Variants in PDE4B observed in about 807,000 individuals in gnomAD.
PDE4B encodes phosphodiesterase 4B, also known as 3',5'-cyclic-AMP phosphodiesterase 4B.
A neutral mutation model predicts 82.2 loss-of-function variants in PDE4B; 20 were observed. The observed-to-expected ratio is 0.24, with a 90% confidence interval of 0.17 to 0.35. The LOEUF (loss-of-function observed/expected upper bound fraction) is 0.35. Ranked by LOEUF, PDE4B falls within the 10% of genes least tolerant of loss-of-function variation. The pLI is 1.00. For missense variants in PDE4B, 655 were observed against 907.2 expected, an observed-to-expected ratio of 0.72 and a Z score of 3.57; for synonymous variants, 320 against 318.9, an observed-to-expected ratio of 1.00 and a Z score of -0.04.
At chr1:65,815,693 A>T (rs1645874959) in intron 1 of PDE4B, among the ~76,000 whole-genome samples, 1 of 152,238 alleles carries the variant, frequency 6.6e-6, no homozygotes, top group Admixed American at 6.5e-5. Context: ...GAAGCTAAAA[A>T]AATTTAAACT....
At chr1:66,122,372 T>C (rs1645727677) in intron 3 of PDE4B, among the ~76,000 whole-genome samples, 1 of 152,214 alleles carries the variant, frequency 6.6e-6, no homozygotes, top group South Asian at 2.1e-4. Context: ...TCTTTTAAAA[T>C]TGTGTAGAAA....
At chr1:65,820,302 T>C (rs978227327) in intron 1 of PDE4B, among the ~76,000 whole-genome samples, 1 of 152,190 alleles carries the variant, frequency 6.6e-6, no homozygotes, top group Non-Finnish European at 1.5e-5. Context: ...ACCACATTAA[T>C]CTCATTGAAT....
intron 8 of PDE4B, chr1:66,354,663 T>A (rs1662094348): frequency 1.4e-6 from 2 of 1,400,196 alleles, no homozygotes; most frequent in South Asian, 3.3e-5. Flanking sequence ...AAGAATGGAG[T>A]GCGAAGATGG....
intron 3 of PDE4B, among the ~76,000 whole-genome samples, chr1:66,226,842 A>G (rs188738194): frequency 4.7e-4 from 71 of 152,362 alleles, no homozygotes; most frequent in Non-Finnish European, 7.9e-4. Context: ...TAGTTTATAG[A>G]ATCAAAGAAT....
intron 3 of PDE4B, among the ~76,000 whole-genome samples, chr1:66,010,990 G>A (rs1340725598): frequency 1.3e-5 from 2 of 151,446 alleles, no homozygotes; most frequent in Non-Finnish European, 2.9e-5. Context: ...GATCACAGAA[G>A]TAACCTATGA....
intron 1 of PDE4B, among the ~76,000 whole-genome samples, chr1:65,907,207 G>A (rs1647036798): frequency 6.6e-6 from 1 of 152,126 alleles, no homozygotes. Context: ...TAAGAAAGCA[G>A]CAATAACTGA....
In PDE4B at chr1:66,217,442, A is replaced by T. The variant is rs1240237020; in HGVS notation, c.282-30018A>T. ...AGCAGCCACAAGAGCTGCAGTGTCA[A>T]GCAGGAAGGAGCAAGAAGAGAGGTG... On this transcript the variant is annotated intron_variant, in intron 3 of 16. Coordinates refer to ENST00000341517, the MANE Select transcript of PDE4B (RefSeq NM_002600.4). Among the ~76,000 whole-genome samples, 3 of 152,084 alleles carry T rather than the reference A, an allele frequency of 2.0e-5. No individual in the cohort carries two copies. In the East Asian group the frequency reaches 5.8e-4, roughly 29 times the overall value.
chr1:66,364,024 G>T (rs1663033673), intron 12 of PDE4B, among the ~76,000 whole-genome samples: 1 of 152,020 alleles, frequency 6.6e-6, no homozygotes, highest in Non-Finnish European at 1.5e-5. Flanking sequence ...TTCAGGGCAG[G>T]AATCATGTCT....
intron 3 of PDE4B, among the ~76,000 whole-genome samples, chr1:66,115,027 G>A (rs893844235): frequency 6.6e-6 from 1 of 152,018 alleles, no homozygotes; most frequent in Non-Finnish European, 1.5e-5. Context: ...GAAGTTCCAG[G>A]TATCAAAAAA....
At chr1:66,204,320 C>A (rs148861983) in intron 3 of PDE4B, among the ~76,000 whole-genome samples, 4,856 of 152,346 alleles carry the variant, frequency 0.032, 131 homozygotes, top group Middle Eastern at 0.095. Context: ...CAGCAGTCTG[C>A]CTGTTGTCAG....
intron 1 of PDE4B, among the ~76,000 whole-genome samples, chr1:65,889,265 G>T (rs1001720456): frequency 6.6e-6 from 1 of 152,018 alleles, no homozygotes; most frequent in African/African-American, 2.4e-5. Context: ...AATCATCTTT[G>T]CATTCCTGGG....
intron 3 of PDE4B, among the ~76,000 whole-genome samples, chr1:65,942,766 C>G (rs529517597): frequency 1.3e-5 from 2 of 152,136 alleles, no homozygotes; most frequent in South Asian, 4.1e-4. Flanking sequence ...TTGCATTTCT[C>G]TGATGATTAG....
chr1:65,797,328 A>C (rs1645643316), intron 1 of PDE4B, among the ~76,000 whole-genome samples: 2 of 152,128 alleles, frequency 1.3e-5, no homozygotes, highest in Non-Finnish European at 2.9e-5. Flanking sequence ...TGTTGGTGTC[A>C]CTTGATTGTC....
chr1:66,241,975 C>G (rs912912164), intron 3 of PDE4B, among the ~76,000 whole-genome samples: 13 of 152,218 alleles, frequency 8.5e-5, no homozygotes, highest in Non-Finnish European at 2.9e-5. Context: ...TGTTATGTGC[C>G]TTTTGGTGTG....
intron 3 of PDE4B, among the ~76,000 whole-genome samples, chr1:66,235,801 C>A (rs566284770): frequency 7.2e-5 from 11 of 152,240 alleles, no homozygotes; most frequent in African/African-American, 2.2e-4. Context: ...TTAAATTTAA[C>A]AGAGTTTAAC....
At chr1:65,851,101 A>G (rs1646327405) in intron 1 of PDE4B, among the ~76,000 whole-genome samples, 1 of 152,176 alleles carries the variant, frequency 6.6e-6, no homozygotes, top group Non-Finnish European at 1.5e-5. Context: ...GAATTAGTTT[A>G]GATGCTGTCA....
chr1:66,096,240 C>T (rs915906026), intron 3 of PDE4B, among the ~76,000 whole-genome samples: 1 of 151,686 alleles, frequency 6.6e-6, no homozygotes, highest in African/African-American at 2.4e-5. Flanking sequence ...ACATTTTTAG[C>T]TTCCTCATAT....
chr1:65,803,267 G>A (rs970575268), intron 1 of PDE4B, among the ~76,000 whole-genome samples: 3 of 152,022 alleles, frequency 2.0e-5, no homozygotes, highest in Non-Finnish European at 4.4e-5. Context: ...ATAGGGAGAG[G>A]CAACTGTTCT....
chr1:66,216,984 T>A (rs896854299), intron 3 of PDE4B, among the ~76,000 whole-genome samples: 1 of 152,114 alleles, frequency 6.6e-6, no homozygotes, highest in Admixed American at 6.6e-5. Context: ...GCATTTGAGA[T>A]CAAATAAAGC....
Sources: allele counts gnomAD v4.1 joint callset (sites outside exome capture counted in the v4.1 genomes callset), GRCh38; gene constraint gnomAD v4.1.1; transcripts MANE v1.5; gene names NCBI Gene and HGNC (gene_info 2026-07-23, HGNC 2026-07-21).